Variants in PDCD1LG2 observed in about 807,000 individuals in gnomAD.
PDCD1LG2 encodes the protein B7 dendritic cell molecule.
A neutral mutation model predicts 28.2 loss-of-function variants in PDCD1LG2; 32 were observed. The ratio of observed to expected loss-of-function variants is 1.13; its 90% CI spans 0.86 to 1.52. The LOEUF (loss-of-function observed/expected upper bound fraction) is 1.52. Ranked by LOEUF, PDCD1LG2 falls within the 40% of genes most tolerant of loss-of-function variation. The pLI, the probability that PDCD1LG2 is intolerant of heterozygous loss-of-function variation, is 0.00. For synonymous variants in PDCD1LG2, 116 were observed against 120.2 expected, an observed-to-expected ratio of 0.97 and a Z score of 0.23; for missense variants, 385 against 323.8, an observed-to-expected ratio of 1.19 and a Z score of -1.45.
intron 2 of PDCD1LG2, among the ~76,000 whole-genome samples, chr9:5,525,434 G>C (rs1380270330): frequency 1.3e-5 from 2 of 151,428 alleles, no homozygotes; most frequent in Non-Finnish European, 2.9e-5. Flanking sequence ...TGGAGAATTT[G>C]ATTCCAGGAG....
chr9:5,558,512 A>G (rs1174127774), intron 5 of PDCD1LG2, among the ~76,000 whole-genome samples: 3 of 152,210 alleles, frequency 2.0e-5, no homozygotes, highest in East Asian at 3.8e-4. Context: ...TCTGCACTCA[A>G]TGAACTTCTC....
chr9:5,565,249 C>A (rs371710178), intron 6 of PDCD1LG2, among the ~76,000 whole-genome samples: 1 of 152,132 alleles, frequency 6.6e-6, no homozygotes, highest in Non-Finnish European at 1.5e-5. Flanking sequence ...GTGGTATGAC[C>A]GTGGCTCACT....
rs188934431 is a variant in PDCD1LG2 at position 5,558,202 on chromosome 9, G to A, written c.766+450G>A. ...CCTCTCCCAGGAATCTCAACCTCAC[G>A]GTTGGGTAAGGAAAGGAGAAAGGTT... On this transcript the variant is annotated intron_variant, in intron 5 of 6. Transcript: ENST00000397747. Among the ~76,000 whole-genome samples the A allele has an allele frequency of 6.6e-5, 10 of 152,272 alleles. No homozygotes were observed. The East Asian group carries it at 7.7e-4, about 12-fold the overall frequency.
Position 5,522,618 on chromosome 9 carries a change from G to T in PDCD1LG2, c.55+17G>T. ...AGATAGCAGGTAAGAAAGGACAAAG[G>T]GAGAGGCTTAAGAAAGAAGAGCAGG... On this transcript the variant is annotated intron_variant, in intron 2 of 6. Transcript: ENST00000397747. The T allele has an allele frequency of 6.2e-7, 1 of 1,611,902 alleles. No homozygotes were observed. The highest frequency in any genetic ancestry group is 8.5e-7 in the Non-Finnish European group (1 of 1,178,300).
At chr9:5,542,261 A>G (rs1326804197) in intron 3 of PDCD1LG2, among the ~76,000 whole-genome samples, 2 of 152,230 alleles carry the variant, frequency 1.3e-5, no homozygotes, top group Non-Finnish European at 2.9e-5. Flanking sequence ...CCTTCTAGAC[A>G]TTAGCTTAGG....
chr9:5,570,141 C>G lies in PDCD1LG2; in HGVS notation c.*182C>G. The G allele has an allele frequency of 2.6e-6, 2 of 762,968 alleles. No homozygotes were observed. Among genetic ancestry groups the G allele is most frequent in the Non-Finnish European group, 4.5e-6 (2 of 441,476 alleles). 47.3% of individuals were successfully genotyped at this position (762,968 alleles called of 1,614,324 possible). On this transcript the variant is annotated 3_prime_UTR_variant, in exon 7 of 7. Transcript: ENST00000397747. Reference sequence around the variant, plus strand: ...GCCAACACCTGGCCATGAAACTTGCCCCTTCACTGATCTGGACTCACCTCT... The same window carrying G: ...GCCAACACCTGGCCATGAAACTTGCGCCTTCACTGATCTGGACTCACCTCT...
At chr9:5,532,479 T>C (rs1820501954) in intron 2 of PDCD1LG2, among the ~76,000 whole-genome samples, 1 of 152,158 alleles carries the variant, frequency 6.6e-6, no homozygotes, top group Admixed American at 6.5e-5. Flanking sequence ...ATAACCAGGG[T>C]CATCCTTTCT....
At chr9:5,556,438 A>G (rs1485851914) in intron 4 of PDCD1LG2, among the ~76,000 whole-genome samples, 1 of 152,164 alleles carries the variant, frequency 6.6e-6, no homozygotes, top group Non-Finnish European at 1.5e-5. Flanking sequence ...GTGGGGGCTG[A>G]GCTTTGGGTC....
Position 5,543,500 on chromosome 9 carries a change from C to T in PDCD1LG2, c.362-5835C>T, listed in dbSNP as rs1285545974. 2.3e-4 allele frequency among the ~76,000 whole-genome samples: 33 copies of T among 143,860 alleles called. No individual in the cohort carries two copies. In the Admixed American group the frequency reaches 2.4e-3, roughly 11 times the overall value. The allele number at this position is 143,860 out of a possible 152,430, so 94.4% of individuals were successfully genotyped here. On this transcript the variant is annotated intron_variant, in intron 3 of 6. Coordinates refer to ENST00000397747, the MANE Select transcript of PDCD1LG2 (RefSeq NM_025239.4). ...TTTGCAATGAGCAGAGGTCGCACCACTGCACTCCAGCCTGGGCGACAGAGC... is the reference window on the plus strand; with the variant it reads ...TTTGCAATGAGCAGAGGTCGCACCATTGCACTCCAGCCTGGGCGACAGAGC...
chr9:5,514,820 T>G (rs1366996815), intron 1 of PDCD1LG2, among the ~76,000 whole-genome samples: 1 of 143,106 alleles, frequency 7.0e-6, no homozygotes, highest in African/African-American at 2.6e-5. Context: ...AAATTGAGTA[T>G]GAACTGATAA....
intron 2 of PDCD1LG2, among the ~76,000 whole-genome samples, chr9:5,524,255 T>C (rs923156513): frequency 6.6e-6 from 1 of 152,236 alleles, no homozygotes; most frequent in Non-Finnish European, 1.5e-5. Flanking sequence ...CTTTCTACTT[T>C]ACTGTGCTAC....
At position 5,535,031 on chromosome 9, in the gene PDCD1LG2, C is replaced by T. The variant is rs2129796371; in HGVS notation, c.342C>T (p.Tyr114=). 2 of 1,609,416 alleles carry T rather than the reference C, an allele frequency of 1.2e-6. No homozygotes were observed. Among genetic ancestry groups the T allele is most frequent in the Non-Finnish European group, 1.7e-6 (2 of 1,177,134 alleles). Residue 114 remains tyrosine, a synonymous_variant, in exon 3 of 7, where the codon TAC becomes TAT. Coordinates refer to ENST00000397747, the MANE Select transcript of PDCD1LG2 (RefSeq NM_025239.4). The part of the protein sequence containing the change: ...IIYGVAWDYK[Y]LTLKVKASYR... ...ATGGGGTCGCCTGGGACTACAAGTA[C>T]CTGACTCTGAAAGTCAAAGGTGAGT... is the stretch of plus-strand genomic sequence containing the variant.
At chr9:5,519,836 AG>A (rs1820240795) in intron 1 of PDCD1LG2, among the ~76,000 whole-genome samples, 2 of 152,160 alleles carry the variant, frequency 1.3e-5, no homozygotes, top group South Asian at 4.1e-4. Flanking sequence ...TAGTGACTCA[AG>A]CCCCAAACTT....
At chr9:5,512,387 G>C (rs766944026) in intron 1 of PDCD1LG2, among the ~76,000 whole-genome samples, 2 of 152,110 alleles carry the variant, frequency 1.3e-5, no homozygotes, top group African/African-American at 4.8e-5. Flanking sequence ...CACACCTGTG[G>C]GCTGACTTCC....
At chr9:5,516,225 G>T (rs2129692344) in intron 1 of PDCD1LG2, among the ~76,000 whole-genome samples, 1 of 152,182 alleles carries the variant, frequency 6.6e-6, no homozygotes, top group Non-Finnish European at 1.5e-5. Context: ...CTAATTTTTT[G>T]TATTTTTAGT....
intron 3 of PDCD1LG2, among the ~76,000 whole-genome samples, chr9:5,536,061 C>T (rs780220606): frequency 1.3e-5 from 2 of 151,986 alleles, no homozygotes; most frequent in Non-Finnish European, 2.9e-5. Context: ...GGTTTTGGCC[C>T]CAAAAAACCA....
intron 3 of PDCD1LG2, among the ~76,000 whole-genome samples, chr9:5,539,315 A>G (rs1820644882): frequency 6.6e-6 from 1 of 152,214 alleles, no homozygotes; most frequent in Admixed American, 6.5e-5. Context: ...AGGGTCTCTA[A>G]AAGAAGCAAG....
intron 6 of PDCD1LG2, among the ~76,000 whole-genome samples, chr9:5,566,618 T>A (rs577125151): frequency 2.6e-5 from 4 of 152,320 alleles, no homozygotes; most frequent in African/African-American, 7.2e-5. Flanking sequence ...CAGAGTCCCC[T>A]GCTGACCCTC....
At chr9:5,545,648 A>G (rs1383823967) in intron 3 of PDCD1LG2, among the ~76,000 whole-genome samples, 2 of 152,246 alleles carry the variant, frequency 1.3e-5, no homozygotes, top group Admixed American at 6.5e-5. Flanking sequence ...CAATTGGCAG[A>G]CTTAGGAGAA....
Sources: gnomAD v4.1 joint callset for allele counts (sites outside exome capture counted in the v4.1 genomes callset) on GRCh38, gnomAD v4.1.1 for gene constraint, MANE v1.5 for transcripts, NCBI Gene and HGNC (gene_info 2026-07-23, HGNC 2026-07-21) for gene names.